DSCAM: variants seen among roughly 807,000 people sequenced by gnomAD.
The protein encoded by DSCAM is cell adhesion molecule DSCAM.
In DSCAM, 47 loss-of-function variants were observed where a neutral mutation model predicts 217.7. That is an observed-to-expected ratio of 0.22 (90% CI 0.17 to 0.28). The LOEUF (loss-of-function observed/expected upper bound fraction) is 0.28. Ranked by LOEUF, DSCAM falls within the 10% of genes least tolerant of loss-of-function variation. The pLI is 1.00. For missense variants in DSCAM, 2,080 were observed against 2,618.3 expected (o/e 0.79, Z 4.49); for synonymous variants, 1,056 against 1,015.3 (o/e 1.04, Z -0.76).
At chr21:40,703,961 C>T (rs1641502943) in intron 2 of DSCAM, among the ~76,000 whole-genome samples, 1 of 152,058 alleles carries the variant, frequency 6.6e-6, no homozygotes, top group Admixed American at 6.5e-5. Context: ...TCCCTCTTGC[C>T]ACATCCTTTA....
chr21:40,052,381 G>A (rs576402942), intron 29 of DSCAM, among the ~76,000 whole-genome samples: 18 of 152,212 alleles, frequency 1.2e-4, no homozygotes, highest in Non-Finnish European at 2.1e-4. Context: ...TTTCTCTTTG[G>A]GCTTGGCTTT....
intron 1 of DSCAM, among the ~76,000 whole-genome samples, chr21:40,829,487 T>C (rs993043588): frequency 6.6e-6 from 1 of 152,206 alleles, no homozygotes. Context: ...GCAGCTGCTC[T>C]GATGCAATGG....
chr21:40,091,387 C>T (rs564029790), intron 21 of DSCAM, among the ~76,000 whole-genome samples: 1 of 152,186 alleles, frequency 6.6e-6, no homozygotes, highest in South Asian at 2.1e-4. Context: ...CCTTCCCCGG[C>T]CCCAGCAGGG....
At chr21:40,543,333 T>G (rs7278073) in intron 3 of DSCAM, among the ~76,000 whole-genome samples, 21,071 of 152,154 alleles carry the variant, frequency 0.14, 3,476 homozygotes, top group African/African-American at 0.4. Flanking sequence ...CAAGAAATGT[T>G]ATGATGGCCA....
chr21:40,161,908 A>C (rs2090545007), intron 16 of DSCAM, among the ~76,000 whole-genome samples: 1 of 152,230 alleles, frequency 6.6e-6, no homozygotes, highest in Admixed American at 6.5e-5. Context: ...GATATAGGAA[A>C]AAAGGGTGTC....
At chr21:40,162,585 C>T (rs2837472) in intron 16 of DSCAM, among the ~76,000 whole-genome samples, 40,034 of 151,950 alleles carry the variant, frequency 0.26, 5,346 homozygotes, top group Admixed American at 0.28. Flanking sequence ...TGTAATGATG[C>T]CTCAATTAGC....
intron 3 of DSCAM, among the ~76,000 whole-genome samples, chr21:40,506,971 C>G (rs554505689): frequency 4.6e-5 from 7 of 152,290 alleles, no homozygotes; most frequent in Admixed American, 3.3e-4. Flanking sequence ...AAAAAACTTT[C>G]TATGTTAAAA....
intron 1 of DSCAM, among the ~76,000 whole-genome samples, chr21:40,815,607 T>TCA (rs780553540): frequency 6.6e-6 from 1 of 152,208 alleles, no homozygotes; most frequent in Non-Finnish European, 1.5e-5. Context: ...AATGGAAGTG[T>TCA]CACACACACC....
chr21:40,307,865 T>C (rs2074096225), intron 9 of DSCAM, among the ~76,000 whole-genome samples: 1 of 144,254 alleles, frequency 6.9e-6, no homozygotes, highest in Admixed American at 7.3e-5. Context: ...TTCTTACTCA[T>C]GGGTGGGAAT....
rs2088770752 is a variant in DSCAM, at chr21:40,042,494, T to C, written c.5563A>G (p.Thr1855Ala). ...GGGGTGCTGGAGGTCAGACTGTCCG[T>C]GTACTCATTTGTCCCTGCCGTCAAC... ...EQLTAGTNEY[T>A]DSLTSSTPSE... The change falls in exon 32 of 33, where the codon ACG (threonine) becomes GCG (alanine). Residue 1855 changes from threonine (T) to alanine (A), a missense_variant. Physicochemically the swap from Thr to Ala is moderately conservative, Grantham distance 58. Transcript: ENST00000400454. 1 of 1,614,068 alleles carries C rather than the reference T, an allele frequency of 6.2e-7. No homozygotes were observed. Among genetic ancestry groups the C allele is most frequent in the South Asian group, 1.1e-5 (1 of 91,088 alleles).
intron 3 of DSCAM, among the ~76,000 whole-genome samples, chr21:40,505,290 T>C (rs1006573157): frequency 6.6e-6 from 1 of 152,228 alleles, no homozygotes; most frequent in African/African-American, 2.4e-5. Flanking sequence ...TTTTTTGTTG[T>C]TGCAGTTTTA....
chr21:40,684,651 T>A (rs2090454547), intron 3 of DSCAM, among the ~76,000 whole-genome samples: 1 of 152,236 alleles, frequency 6.6e-6, no homozygotes, highest in Admixed American at 6.5e-5. Flanking sequence ...TCAAAAATTA[T>A]ATTTCTCAAT....
intron 3 of DSCAM, among the ~76,000 whole-genome samples, chr21:40,451,935 T>C (rs1343672402): frequency 6.6e-6 from 1 of 152,148 alleles, no homozygotes; most frequent in African/African-American, 2.4e-5. Flanking sequence ...GTATTCCCAG[T>C]TCACTGTGGA....
At chr21:40,072,871 G>A (rs1040336357) in intron 27 of DSCAM, among the ~76,000 whole-genome samples, 8 of 152,096 alleles carry the variant, frequency 5.3e-5, no homozygotes, top group Non-Finnish European at 1.0e-4. Flanking sequence ...AACTATTTCC[G>A]GAGAATGAAA....
rs1323188655 is a variant in DSCAM at position 40,187,209 on chromosome 21, T to C, written c.2701A>G (p.Ile901Val). ...AACCCCATGGTCCACCTGAGCGTAA[T>C]TGTGCGTGCTTTGACATCTTTGATC... ...IEIKDVKART[I>V]TLRWTMGFDG... is the part of the protein sequence containing the mutation. The change falls in exon 14 of 33, where the codon ATT (isoleucine) becomes GTT (valine). Residue 901 changes from isoleucine to valine, a missense_variant. This residue lies in a region of DSCAM where 1,144 missense variants were observed against 1,421.1 expected (regional missense o/e 0.81). Coordinates refer to ENST00000400454, the MANE Select transcript of DSCAM (RefSeq NM_001389.5). The C allele has an allele frequency of 6.8e-6, 11 of 1,614,102 alleles. No individual in the cohort carries two copies. The highest frequency in any genetic ancestry group is 8.5e-6 in the Non-Finnish European group (10 of 1,179,976).
chr21:40,079,625 C>T (rs1188642018), intron 25 of DSCAM, among the ~76,000 whole-genome samples: 1 of 152,146 alleles, frequency 6.6e-6, no homozygotes, highest in Non-Finnish European at 1.5e-5. Flanking sequence ...AGAGCTGCAT[C>T]ATCCCTCCTT....
intron 11 of DSCAM, among the ~76,000 whole-genome samples, chr21:40,221,939 G>T (rs1194905906): frequency 6.6e-6 from 1 of 152,190 alleles, no homozygotes; most frequent in Non-Finnish European, 1.5e-5. Flanking sequence ...AAAAGCTCCA[G>T]TGTGGGACTG....
At chr21:40,694,132 G>A (rs371667557) in intron 2 of DSCAM, among the ~76,000 whole-genome samples, 2 of 152,180 alleles carry the variant, frequency 1.3e-5, no homozygotes, top group African/African-American at 2.4e-5. Flanking sequence ...TCTGTCTCCA[G>A]GGAAGTAAGA....
intron 8 of DSCAM, among the ~76,000 whole-genome samples, chr21:40,317,581 G>A (rs967893908): frequency 3.3e-5 from 5 of 151,908 alleles, no homozygotes; most frequent in South Asian, 4.2e-4. Context: ...CTAGGCTGGA[G>A]TTCAGTGGCA....
Sources: gnomAD v4.1 joint callset for allele counts (sites outside exome capture counted in the v4.1 genomes callset) on GRCh38, gnomAD v4.1.1 for gene constraint, gnomAD v4.1.1 regional missense constraint, MANE v1.5 for transcripts, NCBI Gene and HGNC (gene_info 2026-07-23, HGNC 2026-07-21) for gene names.